The following GRAMD1B variants were observed in gnomAD, a reference collection of about 807,000 sequenced individuals.
The protein encoded by GRAMD1B is GRAM domain containing 1B, also known as protein Aster-B.
A neutral mutation model predicts 99.7 loss-of-function variants in GRAMD1B; 37 were observed. That is an observed-to-expected ratio of 0.37 (90% CI 0.29 to 0.49). The LOEUF (loss-of-function observed/expected upper bound fraction) is 0.49, where lower values mean the gene tolerates loss of function less well. Among genes scored for constraint, GRAMD1B ranks in the 20% least tolerant of loss-of-function variants. GRAMD1B has a pLI of 0.98. For synonymous variants in GRAMD1B, 427 were observed against 387.6 expected, an observed-to-expected ratio of 1.10 and a Z score of -1.19; for missense variants, 888 against 1,009.2, an observed-to-expected ratio of 0.88 and a Z score of 1.63.
chr11:123,379,643 T>C (rs1946806468), intron 1 of GRAMD1B, among the ~76,000 whole-genome samples: 1 of 152,258 alleles, frequency 6.6e-6, no homozygotes, highest in African/African-American at 2.4e-5. Context: ...CCTGTGAATA[T>C]TAGTGCACAC....
intron 2 of GRAMD1B, among the ~76,000 whole-genome samples, chr11:123,548,459 T>A (rs1487336608): frequency 6.6e-6 from 1 of 151,028 alleles, no homozygotes; most frequent in East Asian, 1.9e-4. Flanking sequence ...AGACAGCACT[T>A]CCTGGAGTCC....
chr11:123,584,609 G>C (rs1268769486), intron 4 of GRAMD1B, among the ~76,000 whole-genome samples: 1 of 152,026 alleles, frequency 6.6e-6, no homozygotes, highest in Non-Finnish European at 1.5e-5. Flanking sequence ...CCTAAAAGAG[G>C]AGACCAGTCA....
At chr11:123,390,941 C>A (rs1947255142) in intron 1 of GRAMD1B, among the ~76,000 whole-genome samples, 2 of 152,220 alleles carry the variant, frequency 1.3e-5, no homozygotes, top group African/African-American at 4.8e-5. Context: ...TGACTGAATG[C>A]AGCTTGCAAC....
At chr11:123,408,842 A>G (rs1290593596) in intron 1 of GRAMD1B, among the ~76,000 whole-genome samples, 1 of 152,224 alleles carries the variant, frequency 6.6e-6, no homozygotes, top group African/African-American at 2.4e-5. Context: ...CCAGCCTGTC[A>G]ATATTTACAT....
intron 1 of GRAMD1B, among the ~76,000 whole-genome samples, chr11:123,418,025 G>A (rs377731899): frequency 1.4e-4 from 22 of 152,138 alleles, no homozygotes; most frequent in East Asian, 3.9e-4. Flanking sequence ...TTGGCCTCCC[G>A]AAGTGCTGGG....
At chr11:123,573,142 C>T (rs957863415) in intron 2 of GRAMD1B, among the ~76,000 whole-genome samples, 3 of 151,734 alleles carry the variant, frequency 2.0e-5, no homozygotes, top group East Asian at 1.9e-4. Flanking sequence ...GGGGCAGGGG[C>T]GCAGGTAGGC....
intron 17 of GRAMD1B, among the ~76,000 whole-genome samples, chr11:123,616,701 A>G (rs1486312029): frequency 6.6e-6 from 1 of 152,236 alleles, no homozygotes; most frequent in African/African-American, 2.4e-5. Flanking sequence ...TTGCCCCCAC[A>G]TGCCTGCTGC....
chr11:123,541,563 C>T (rs1165917262), intron 2 of GRAMD1B, among the ~76,000 whole-genome samples: 1 of 144,968 alleles, frequency 6.9e-6, no homozygotes, highest in Admixed American at 6.8e-5. Context: ...GGCCTTTGCT[C>T]CCTTTCTTGT....
rs145123168 is a variant in GRAMD1B, at chr11:123,546,288, C to T, written c.453-31079C>T. ...GCCAGGAGTATGTGGGAGGCATTAC[C>T]CTTGGGAGCTCTGTCAAGCCAAAAT... On this transcript the variant is annotated intron_variant, in intron 2 of 19. Transcript: ENST00000635736. Among the ~76,000 whole-genome samples the T allele has an allele frequency of 4.3e-3, 661 of 152,224 alleles. 4 individuals are homozygous for T. The highest frequency in any genetic ancestry group is 0.014 in the African/African-American group (564 of 41,530).
chr11:123,487,712 G>T (rs1427037407), intron 2 of GRAMD1B, among the ~76,000 whole-genome samples: 5 of 152,158 alleles, frequency 3.3e-5, no homozygotes, highest in African/African-American at 1.2e-4. Flanking sequence ...TCAAGCAAGT[G>T]TCTTGTCTCA....
intron 1 of GRAMD1B, among the ~76,000 whole-genome samples, chr11:123,383,204 TGCTCTCTCTC>T (rs1441029147): frequency 5.0e-4 from 55 of 109,302 alleles, no homozygotes; most frequent in African/African-American, 4.3e-3. Flanking sequence ...TTCAGAGTCT[TGCTCTCTCTC>T]TCTCTCTCTC....
chr11:123,526,620 C>G (rs756293853), intron 2 of GRAMD1B, among the ~76,000 whole-genome samples: 1 of 152,130 alleles, frequency 6.6e-6, no homozygotes, highest in African/African-American at 2.4e-5. Context: ...GCCTTTCTCA[C>G]GTCAGCTGCT....
intron 1 of GRAMD1B, among the ~76,000 whole-genome samples, chr11:123,387,746 G>A (rs975090393): frequency 5.2e-5 from 6 of 116,290 alleles, no homozygotes; most frequent in Admixed American, 3.5e-4. Context: ...CCCACAAGTA[G>A]CCTGTTTGGC....
chr11:123,515,888 C>A (rs1941626702), intron 2 of GRAMD1B, among the ~76,000 whole-genome samples: 1 of 152,110 alleles, frequency 6.6e-6, no homozygotes, highest in South Asian at 2.1e-4. Context: ...CTGCCTCAGC[C>A]TCCCATGTAG....
rs773823992 is a variant in GRAMD1B at position 123,474,510 on chromosome 11, A to G, written c.375-6306A>G. On this transcript the variant is annotated intron_variant, in intron 1 of 19. Coordinates refer to ENST00000635736, the MANE Select transcript of GRAMD1B (RefSeq NM_001387025.1). The stretch of plus-strand genomic sequence containing the variant: ...ATAAATAGAGGACTAAGTTGTGAGT[A>G]ATCGCAATAAGTCTCCATTTTTCAG... Among the ~76,000 whole-genome samples, 11 of 152,324 alleles carry G rather than the reference A, an allele frequency of 7.2e-5. No individual in the cohort carries two copies. In the South Asian group the frequency reaches 1.2e-3, roughly 17 times the overall value.
chr11:123,487,605 T>C (rs1438481866), intron 2 of GRAMD1B, among the ~76,000 whole-genome samples: 1 of 152,136 alleles, frequency 6.6e-6, no homozygotes, highest in African/African-American at 2.4e-5. Context: ...TTTTTTTGTT[T>C]GTTTGATTTT....
chr11:123,549,130 G>T (rs751821881), intron 2 of GRAMD1B, among the ~76,000 whole-genome samples: 1 of 152,222 alleles, frequency 6.6e-6, no homozygotes, highest in Admixed American at 6.5e-5. Flanking sequence ...GCAGTGCACA[G>T]CCGGGTTGCT....
At chr11:123,530,828 G>C (rs1371707491) in intron 2 of GRAMD1B, among the ~76,000 whole-genome samples, 1 of 152,158 alleles carries the variant, frequency 6.6e-6, no homozygotes, top group Non-Finnish European at 1.5e-5. Context: ...TTCATGGCTT[G>C]AGACTTTGGA....
intron 1 of GRAMD1B, among the ~76,000 whole-genome samples, chr11:123,449,082 A>G (rs895157638): frequency 1.7e-4 from 26 of 152,128 alleles, no homozygotes; most frequent in African/African-American, 5.3e-4. Flanking sequence ...TTTTCATAAC[A>G]CTGACCTACT....
Sources: gnomAD v4.1 joint callset for allele counts (sites outside exome capture counted in the v4.1 genomes callset) on GRCh38, gnomAD v4.1.1 for gene constraint, MANE v1.5 for transcripts, NCBI Gene and HGNC (gene_info 2026-07-23, HGNC 2026-07-21) for gene names.